ZNF358: variants seen among roughly 807,000 people sequenced by gnomAD.
The protein encoded by ZNF358 is zinc finger protein 358.
In ZNF358, 1 loss-of-function variant was observed where a neutral mutation model predicts 2.1. The observed-to-expected ratio is 0.49, with a 90% confidence interval of 0.17 to 2.30. ZNF358 has a LOEUF of 2.30. ZNF358 is among the 30% of genes most tolerant of loss of function. ZNF358 has a pLI of 0.26. For missense variants in ZNF358, 665 were observed against 806.8 expected (o/e 0.82, Z 2.13); for synonymous variants, 381 against 359.7 (o/e 1.06, Z -0.67).
At position 7,520,545 on chromosome 19, in the gene ZNF358, G is replaced by A; in HGVS notation, c.1303G>A (p.Val435Ile). 7.9e-7 allele frequency: 1 copy of A among 1,265,494 alleles called. No homozygotes were observed. Among genetic ancestry groups the A allele is most frequent in the Middle Eastern group, 1.9e-4 (1 of 5,256 alleles). The allele number at this position is 1,265,494 out of a possible 1,614,324, so 78.4% of individuals were successfully genotyped here. ...SPASMMRPGQ[V>I]SLLGPDAVSV... ...TGCATCCATGATGAGGCCGGGGCAG[G>A]TCTCCCTCCTGGGTCCTGATGCTGT... Residue 435 changes from valine to isoleucine, a missense_variant, in exon 2 of 2, where the codon GTC (valine) becomes ATC (isoleucine). This residue lies in a region of ZNF358 where 249 missense variants were observed against 227.6 expected (regional missense o/e 1.09). Transcript: ENST00000597229. The surrounding 1 kb of genome is among the most constrained non-coding windows in gnomAD (Gnocchi z 6.0).
Position 7,519,398 on chromosome 19 carries a change from T to C in ZNF358, c.156T>C (p.Thr52=). 6.2e-7 allele frequency: 1 copy of C among 1,613,940 alleles called. No homozygotes were observed. Among genetic ancestry groups the C allele is most frequent in the South Asian group, 1.1e-5 (1 of 91,068 alleles). ...DPEPDPEDLN[T]VPEDVDPSYE... is the part of the protein sequence containing the mutation. ...AGCCTGATCCTGAAGACCTCAACAC[T>C]GTCCCGGAAGACGTGGACCCCAGCT... The change falls in exon 2 of 2, where the codon ACT becomes ACC. Residue 52 remains threonine (T), a synonymous_variant. Transcript: ENST00000597229.
rs2022468462 is a variant in ZNF358, at chr19:7,520,725, G to T, written c.1483G>T (p.Asp495Tyr). The T allele has an allele frequency of 6.2e-7, 1 of 1,613,714 alleles. No individual in the cohort carries two copies. The highest frequency in any genetic ancestry group is 8.5e-7 in the Non-Finnish European group (1 of 1,179,986). Reference protein sequence around the residue: ...TPSPTPVESSDPKAGHDAGPD... With the variant: ...TPSPTPVESSYPKAGHDAGPD... ...CAGCCCTACTCCTGTGGAATCTTCT[G>T]ACCCAAAGGCTGGGCACGACGCTGG... The change falls in exon 2 of 2, where the codon GAC (aspartate) becomes TAC (tyrosine). Residue 495 changes from aspartate to tyrosine, a missense_variant. Physicochemically the swap from Asp to Tyr is radical, Grantham distance 160. Coordinates refer to ENST00000597229, the MANE Select transcript of ZNF358 (RefSeq NM_018083.5). This position sits in a 1 kb window ranked among gnomAD's most constrained non-coding sequence, Gnocchi z 6.0.
Position 7,519,310 on chromosome 19 carries a change from A to C in ZNF358, c.68A>C (p.Asp23Ala), listed in dbSNP as rs1349839392. The C allele has an allele frequency of 1.2e-6, 2 of 1,613,864 alleles. No individual in the cohort carries two copies. The highest frequency in any genetic ancestry group is 2.2e-5 in the South Asian group (2 of 91,068). Residue 23 changes from aspartate (D) to alanine (A), a missense_variant, in exon 2 of 2, where the codon GAC becomes GCC. By Grantham distance (126) the Asp-to-Ala change is moderately radical. Coordinates refer to ENST00000597229, the MANE Select transcript of ZNF358 (RefSeq NM_018083.5). ...CTGAGACCCGTTTATGAAGAGCTCGACTCTGACTCCGAGGACCTAGACCCC... is the reference window on the plus strand; with the variant it reads ...CTGAGACCCGTTTATGAAGAGCTCGCCTCTGACTCCGAGGACCTAGACCCC... ...KGLRPVYEEL[D>A]SDSEDLDPNP...
Position 7,516,295 on chromosome 19 carries a change from T to TG in ZNF358, c.-39+52dup, listed in dbSNP as rs1319586400. ...GCTGGGGCCGGGGCGGGGGGCTGGG[T>TG]GGGGGGCGGGCGGGCGGGGGAGCTC... is the stretch of plus-strand genomic sequence containing the variant. On this transcript the variant is annotated intron_variant, in intron 1 of 1. Coordinates refer to ENST00000597229, the MANE Select transcript of ZNF358 (RefSeq NM_018083.5). The surrounding 1 kb of genome is among the most constrained non-coding windows in gnomAD (Gnocchi z 5.9). 2 of 5,936 alleles carry TG rather than the reference T, an allele frequency of 3.4e-4. No homozygotes were observed. The highest frequency in any genetic ancestry group is 8.0e-4 in the Non-Finnish European group (2 of 2,500). 0.4% of individuals were successfully genotyped at this position (5,936 alleles called of 1,614,324 possible).
At chr19:7,517,283 C>T (rs897118532) in intron 1 of ZNF358, among the ~76,000 whole-genome samples, 1 of 152,048 alleles carries the variant, frequency 6.6e-6, no homozygotes, top group Non-Finnish European at 1.5e-5. Flanking sequence ...GGAAGGGCTA[C>T]AAGTGTGCTG....
intron 1 of ZNF358, among the ~76,000 whole-genome samples, chr19:7,517,763 T>C (rs661821): frequency 0.61 from 92,871 of 151,922 alleles, 28,518 homozygotes; most frequent in Admixed American, 0.69. Flanking sequence ...CCTGGAGCTG[T>C]GAGCTCTGGA....
intron 1 of ZNF358, among the ~76,000 whole-genome samples, chr19:7,518,530 G>GAGA (rs1568393961): frequency 6.6e-5 from 5 of 76,294 alleles, no homozygotes; most frequent in African/African-American, 1.9e-4. Flanking sequence ...AAGGAAGGAA[G>GAGA]GAAAGAAAGA....
rs1176799949 is a variant in ZNF358, at chr19:7,520,676, C to T, written c.1434C>T (p.Pro478=). ...PGTLPDPSSK[P]LPGSRSTPSP... ...CTCTGCCGGATCCCAGCTCCAAACC[C>T]CTCCCCGGCTCCAGATCCACCCCCA... Residue 478 remains proline, a synonymous_variant, in exon 2 of 2, where the codon CCC becomes CCT. Coordinates refer to ENST00000597229, the MANE Select transcript of ZNF358 (RefSeq NM_018083.5). This position sits in a 1 kb window ranked among gnomAD's most constrained non-coding sequence, Gnocchi z 6.0. The T allele has an allele frequency of 1.2e-6, 2 of 1,611,914 alleles. No individual in the cohort carries two copies. The highest frequency in any genetic ancestry group is 1.1e-5 in the South Asian group (1 of 90,916).
At position 7,520,215 on chromosome 19, in the gene ZNF358, G is replaced by A. The variant is rs760763755; in HGVS notation, c.973G>A (p.Gly325Ser). The change falls in exon 2 of 2, where the codon GGC becomes AGC. Residue 325 changes from glycine to serine, a missense_variant. By Grantham distance (56) the Gly-to-Ser change is moderately conservative. Around this residue, in one of 3 missense-constraint regions of ZNF358, gnomAD observed 210 missense variants for 350.8 expected, o/e 0.60. Coordinates refer to ENST00000597229, the MANE Select transcript of ZNF358 (RefSeq NM_018083.5). This position sits in a 1 kb window ranked among gnomAD's most constrained non-coding sequence, Gnocchi z 6.0. ...GCGCCCCTACCGCTGCCCCCACTGC[G>A]GCAAAGCCTTCGGGCAGAGCTCCAA... ...AERPYRCPHC[G>S]KAFGQSSNLQ... 2 of 1,605,760 alleles carry A rather than the reference G, an allele frequency of 1.2e-6. No homozygotes were observed. The highest frequency in any genetic ancestry group is 1.7e-6 in the Non-Finnish European group (2 of 1,179,472).
rs1378107026 is a variant in ZNF358, at chr19:7,516,113, C to T, written c.-175C>T. 2 of 142,752 alleles carry T rather than the reference C, an allele frequency of 1.4e-5. No homozygotes were observed. Among genetic ancestry groups the T allele is most frequent in the Non-Finnish European group, 3.1e-5 (2 of 64,194 alleles). The allele number at this position is 142,752 out of a possible 1,614,324, so 8.8% of individuals were successfully genotyped here. On this transcript the variant is annotated 5_prime_UTR_variant, in exon 1 of 2. Coordinates refer to ENST00000597229, the MANE Select transcript of ZNF358 (RefSeq NM_018083.5). The surrounding 1 kb of genome is among the most constrained non-coding windows in gnomAD (Gnocchi z 5.9). Reference sequence around the variant, plus strand: ...CGGCCCTCGGCCGGCCCCTCTCGCTCCCCGGGAGCGCCTGGCGGGGCCGCT... The same window carrying T: ...CGGCCCTCGGCCGGCCCCTCTCGCTTCCCGGGAGCGCCTGGCGGGGCCGCT...
At position 7,519,280 on chromosome 19, in the gene ZNF358, AAGGCCTG is replaced by A. The variant is rs1313755359; in HGVS notation, c.41_47del (p.Gly14AspfsTer14). The A allele has an allele frequency of 6.2e-7, 1 of 1,613,942 alleles. No homozygotes were observed. The highest frequency in any genetic ancestry group is 1.1e-5 in the South Asian group (1 of 91,076). ...GTCCTGGTCAGGAACCCAGGCCACAAAGGCCTGAGACCCGTTTATGAAGAGCTCGACT... is the reference window on the plus strand; with the variant it reads ...GTCCTGGTCAGGAACCCAGGCCACAAAGACCCGTTTATGAAGAGCTCGACT... On this transcript the variant is annotated frameshift_variant, in exon 2 of 2. Coordinates refer to ENST00000597229, the MANE Select transcript of ZNF358 (RefSeq NM_018083.5). LOFTEE classifies it low-confidence loss of function (END_TRUNC).
chr19:7,517,989 T>G (rs780456133), intron 1 of ZNF358, among the ~76,000 whole-genome samples: 1 of 152,220 alleles, frequency 6.6e-6, no homozygotes, highest in Admixed American at 6.5e-5. Flanking sequence ...ATTCAGGCCA[T>G]GTGCTCAGGA....
In ZNF358 at chr19:7,520,191, C is replaced by A. The variant is rs2022442064; in HGVS notation, c.949C>A (p.Arg317Ser). ...GCACCAGCGCACACACACGGCCGAG[C>A]GCCCCTACCGCTGCCCCCACTGCGG... is the stretch of plus-strand genomic sequence containing the variant. ...LQHQRTHTAE[R>S]PYRCPHCGKA... Residue 317 changes from arginine (R) to serine (S), a missense_variant, in exon 2 of 2, where the codon CGC (arginine) becomes AGC (serine). This residue lies in a region of ZNF358 where 210 missense variants were observed against 350.8 expected (regional missense o/e 0.60). Coordinates refer to ENST00000597229, the MANE Select transcript of ZNF358 (RefSeq NM_018083.5). The surrounding 1 kb of genome is among the most constrained non-coding windows in gnomAD (Gnocchi z 6.0). 1 of 1,598,356 alleles carries A rather than the reference C, an allele frequency of 6.3e-7. No individual in the cohort carries two copies.
rs1420991405 is a variant in ZNF358 at position 7,520,822 on chromosome 19, A to T, written c.1580A>T (p.Asp527Val). The stretch of plus-strand genomic sequence containing the variant: ...GACCCTGATCCTGTGCCCAGCCCTG[A>T]TCCCAACCCTGTGTCCTGCCCTGAC... ...SPDPDPVPSP[D>V]PNPVSCPDPC... Residue 527 changes from aspartate (D) to valine (V), a missense_variant, in exon 2 of 2, where the codon GAT (aspartate) becomes GTT (valine). Transcript: ENST00000597229. The surrounding 1 kb of genome is among the most constrained non-coding windows in gnomAD (Gnocchi z 6.0). 1 of 1,613,876 alleles carries T rather than the reference A, an allele frequency of 6.2e-7. No homozygotes were observed. The highest frequency in any genetic ancestry group is 8.5e-7 in the Non-Finnish European group (1 of 1,179,946).
Position 7,519,871 on chromosome 19 carries a change from C to T in ZNF358, c.629C>T (p.Ala210Val). ...IHTGARPYQC[A>V]ACGKAFGWRS... Reference sequence around the variant, plus strand: ...ACTGGGGCGCGGCCGTACCAGTGCGCGGCCTGCGGCAAGGCCTTCGGCTGG... The same window carrying T: ...ACTGGGGCGCGGCCGTACCAGTGCGTGGCCTGCGGCAAGGCCTTCGGCTGG... Residue 210 changes from alanine to valine, a missense_variant, in exon 2 of 2, where the codon GCG becomes GTG. Around this residue, in one of 3 missense-constraint regions of ZNF358, gnomAD observed 210 missense variants for 350.8 expected, o/e 0.60. Transcript: ENST00000597229. 1 of 1,530,928 alleles carries T rather than the reference C, an allele frequency of 6.5e-7. No homozygotes were observed. Among genetic ancestry groups the T allele is most frequent in the Non-Finnish European group, 8.7e-7 (1 of 1,144,982 alleles). The allele number at this position is 1,530,928 out of a possible 1,614,324, so 94.8% of individuals were successfully genotyped here. A position where few individuals can be genotyped will look rare whatever the true frequency, so the allele number is the denominator to read the frequency against.
chr19:7,518,086 C>G (rs1365825678), intron 1 of ZNF358, among the ~76,000 whole-genome samples: 1 of 152,204 alleles, frequency 6.6e-6, no homozygotes, highest in Non-Finnish European at 1.5e-5. Flanking sequence ...CTCCACAGGA[C>G]CCCAGCTTCC....
chr19:7,515,599 A>G (rs918000272), upstream of ZNF358, among the ~76,000 whole-genome samples: 3 of 152,252 alleles, frequency 2.0e-5, no homozygotes, highest in Non-Finnish European at 2.9e-5. Flanking sequence ...CAAGTCTCCA[A>G]GAACAACATG....
chr19:7,518,545 A>AAGAGAG (rs58248587), intron 1 of ZNF358, among the ~76,000 whole-genome samples: 1 of 109,412 alleles, frequency 9.1e-6, no homozygotes, highest in African/African-American at 3.5e-5. Flanking sequence ...GAAAGAAAGA[A>AAGAGAG]AGAGAGAGAG....
chr19:7,520,757 C>T lies in ZNF358; in HGVS notation c.1515C>T (p.Asp505=). 3 of 1,614,092 alleles carry T rather than the reference C, an allele frequency of 1.9e-6. No homozygotes were observed. Among genetic ancestry groups the T allele is most frequent in the Non-Finnish European group, 2.5e-6 (3 of 1,180,030 alleles). ...AGGCTGGGCACGACGCTGGTCCCGACCTTGTGCCCAGCCCAGACCTTGATC... is the reference window on the plus strand; with the variant it reads ...AGGCTGGGCACGACGCTGGTCCCGATCTTGTGCCCAGCCCAGACCTTGATC... ...DPKAGHDAGP[D]LVPSPDLDPV... is the part of the protein sequence containing the mutation. Residue 505 remains aspartate (D), a synonymous_variant, in exon 2 of 2, where the codon GAC becomes GAT. Transcript: ENST00000597229. This position sits in a 1 kb window ranked among gnomAD's most constrained non-coding sequence, Gnocchi z 6.0.
Sources: gnomAD v4.1 joint callset for allele counts (sites outside exome capture counted in the v4.1 genomes callset) on GRCh38, gnomAD v4.1.1 for gene constraint, gnomAD v4.1.1 regional missense constraint, Gnocchi (gnomAD v3.1) non-coding constraint, MANE v1.5 for transcripts, NCBI Gene and HGNC (gene_info 2026-07-23, HGNC 2026-07-21) for gene names.